The following EYS variants were observed in gnomAD, a reference collection of about 807,000 sequenced individuals.
The protein encoded by EYS is EGF-like photoreceptor maintenance factor.
Under a neutral mutation model 282.1 loss-of-function variants are expected in EYS, and 250 were observed. The ratio of observed to expected loss-of-function variants is 0.89; its 90% confidence interval spans 0.80 to 0.98. The LOEUF is 0.98. EYS is among the 50% of genes least tolerant of loss of function. The pLI, the probability that EYS is intolerant of heterozygous loss-of-function variation, is 0.00. For missense variants in EYS, 4,016 were observed against 3,709.0 expected (o/e 1.08, Z -2.15); for synonymous variants, 1,355 against 1,282.9 (o/e 1.06, Z -1.20).
intron 5 of EYS, among the ~76,000 whole-genome samples, chr6:65,405,992 C>A (rs780942121): frequency 2.0e-5 from 3 of 152,024 alleles, no homozygotes; most frequent in Non-Finnish European, 4.4e-5. Context: ...TAGGAAACTG[C>A]TAAACTGTTT....
chr6:65,431,814 T>A (rs1767900587), intron 5 of EYS, among the ~76,000 whole-genome samples: 1 of 152,302 alleles, frequency 6.6e-6, no homozygotes, highest in East Asian at 1.9e-4. Context: ...ATGTTTATTT[T>A]AACATTAAAC....
intron 7 of EYS, among the ~76,000 whole-genome samples, chr6:65,402,014 A>G (rs1206115308): frequency 6.6e-6 from 1 of 151,966 alleles, no homozygotes; most frequent in Non-Finnish European, 1.5e-5. Context: ...TTATTACTTA[A>G]AGAAAGAATG....
At chr6:64,926,114 T>C (rs1232532712) in intron 15 of EYS, among the ~76,000 whole-genome samples, 1 of 152,088 alleles carries the variant, frequency 6.6e-6, no homozygotes, top group Admixed American at 6.6e-5. Flanking sequence ...GCACTCCTAG[T>C]TTGCCTTCAG....
chr6:63,874,360 G>C (rs1772905087), intron 35 of EYS, among the ~76,000 whole-genome samples: 1 of 152,138 alleles, frequency 6.6e-6, no homozygotes, highest in South Asian at 2.1e-4. Flanking sequence ...CTATATCTCT[G>C]TTTTGGTACC....
chr6:64,068,251 G>A (rs3013154), intron 32 of EYS, among the ~76,000 whole-genome samples: 16,982 of 151,976 alleles, frequency 0.11, 1,879 homozygotes, highest in African/African-American at 0.28. Context: ...TTTACTGACT[G>A]TTTTGATATA....
At chr6:63,733,292 A>G (rs891445295) in intron 41 of EYS, among the ~76,000 whole-genome samples, 2 of 152,096 alleles carry the variant, frequency 1.3e-5, no homozygotes, top group African/African-American at 4.8e-5. Flanking sequence ...TTTTAATTTC[A>G]ACTTGTATTT....
At chr6:65,398,781 G>C (rs548834062) in intron 7 of EYS, among the ~76,000 whole-genome samples, 1 of 152,072 alleles carries the variant, frequency 6.6e-6, no homozygotes, top group Admixed American at 6.6e-5. Context: ...GCTCTATTAG[G>C]TGTCTTGTCT....
rs891714735 is a variant in EYS, at chr6:65,693,690, A to G, written c.-448+13445T>C. Among the ~76,000 whole-genome samples the G allele has an allele frequency of 6.0e-5, 9 of 150,232 alleles. 1 individual carries two copies. The Admixed American group carries it at 6.0e-4, about 10-fold the overall frequency. On this transcript the variant is annotated intron_variant, in intron 1 of 42. Coordinates refer to ENST00000503581, the MANE Select transcript of EYS (RefSeq NM_001142800.2). ...GAGAAAATTAGGAAAGGATAATAGG[A>G]GGAGTAAGAACTTGCTTTTATGCAT...
At chr6:65,564,389 G>T (rs1489349997) in intron 2 of EYS, among the ~76,000 whole-genome samples, 2 of 152,140 alleles carry the variant, frequency 1.3e-5, no homozygotes, top group Non-Finnish European at 2.9e-5. Flanking sequence ...CAAGCCTACA[G>T]TAACGAAAAT....
chr6:64,148,469 ATCC>A (rs1450253106), intron 31 of EYS, among the ~76,000 whole-genome samples: 2 of 152,068 alleles, frequency 1.3e-5, no homozygotes, highest in African/African-American at 4.8e-5. Context: ...CTGTTCCCTG[ATCC>A]AGCAGCCCAG....
At chr6:64,668,702 C>G (rs1454873692) in intron 22 of EYS, among the ~76,000 whole-genome samples, 3 of 151,454 alleles carry the variant, frequency 2.0e-5, no homozygotes, top group Non-Finnish European at 4.4e-5. Flanking sequence ...GTAGCTGGGA[C>G]TACAGGTACC....
intron 12 of EYS, among the ~76,000 whole-genome samples, chr6:65,094,316 C>CG (rs1774668291): frequency 1.6e-5 from 1 of 61,234 alleles, no homozygotes; most frequent in Non-Finnish European, 3.4e-5. Context: ...GATATCTTAA[C>CG]GAAAAAAAAA....
chr6:64,687,839 C>T (rs1770213963), intron 22 of EYS, among the ~76,000 whole-genome samples: 1 of 152,132 alleles, frequency 6.6e-6, no homozygotes, highest in Admixed American at 6.6e-5. Flanking sequence ...GGCAGTGAAT[C>T]AGTCTGGTCC....
At chr6:63,865,541 C>G (rs1445930836) in intron 35 of EYS, among the ~76,000 whole-genome samples, 2 of 151,618 alleles carry the variant, frequency 1.3e-5, no homozygotes, top group African/African-American at 4.9e-5. Context: ...ATCTTATCTT[C>G]TCAATGCGAC....
At chr6:64,784,142 T>C (rs1261001268) in intron 22 of EYS, among the ~76,000 whole-genome samples, 2 of 152,116 alleles carry the variant, frequency 1.3e-5, no homozygotes, top group East Asian at 1.9e-4. Context: ...TTGTGATATC[T>C]TTCTAATCAA....
rs558852360 is a variant in EYS at position 65,422,316 on chromosome 6, GTACCA to G, written c.863-16954_863-16950del. 1.7e-3 allele frequency among the ~76,000 whole-genome samples: 261 copies of G among 151,914 alleles called. 1 individual carries two copies. Among genetic ancestry groups the G allele is most frequent in the Non-Finnish European group, 3.2e-3 (218 of 67,848 alleles). ...GTAACTTGATACAAATACTTACAAT[GTACCA>G]TATTTAATTCTAGTCCCATGACTGA... On this transcript the variant is annotated intron_variant, in intron 5 of 42. Coordinates refer to ENST00000503581, the MANE Select transcript of EYS (RefSeq NM_001142800.2).
intron 22 of EYS, among the ~76,000 whole-genome samples, chr6:64,770,265 C>CA (rs1468474824): frequency 6.6e-5 from 10 of 151,784 alleles, no homozygotes; most frequent in African/African-American, 2.2e-4. Flanking sequence ...TATGTATATA[C>CA]AAACAGGAAT....
At chr6:64,666,920 C>G (rs1769251623) in intron 22 of EYS, among the ~76,000 whole-genome samples, 1 of 151,996 alleles carries the variant, frequency 6.6e-6, no homozygotes, top group South Asian at 2.1e-4. Flanking sequence ...TTTCATTTTC[C>G]TAGACTTTTG....
chr6:63,971,056 G>T (rs1766547318), intron 35 of EYS, among the ~76,000 whole-genome samples: 1 of 152,120 alleles, frequency 6.6e-6, no homozygotes, highest in Middle Eastern at 3.2e-3. Context: ...TAACATTTAG[G>T]GTACTTTTTG....
Sources: gnomAD v4.1 joint callset for allele counts (sites outside exome capture counted in the v4.1 genomes callset) on GRCh38, gnomAD v4.1.1 for gene constraint, MANE v1.5 for transcripts, NCBI Gene and HGNC (gene_info 2026-07-23, HGNC 2026-07-21) for gene names.